Variants in RBM33 observed in about 807,000 individuals in gnomAD.
RBM33 encodes the protein RNA binding motif protein 33, also known as RNA-binding protein 33.
In RBM33, 28 loss-of-function variants were observed where a neutral mutation model predicts 132.6. The ratio of observed to expected loss-of-function variants is 0.21; its 90% CI spans 0.16 to 0.29. The LOEUF (loss-of-function observed/expected upper bound fraction) is 0.29. Among genes scored for constraint, RBM33 ranks in the 10% least tolerant of loss-of-function variants. The pLI is 1.00. For missense variants in RBM33, 1,291 were observed against 1,518.5 expected (o/e 0.85, Z 2.49); for synonymous variants, 634 against 593.0 (o/e 1.07, Z -1.01).
At chr7:155,738,450 A>C (rs761432032) in intron 11 of RBM33, 47 bp downstream of exon 11, 5 of 1,520,046 alleles carry the variant, frequency 3.3e-6, no homozygotes, top group Non-Finnish European at 4.5e-6. Flanking sequence ...TGTAGCTTCA[A>C]GGCTTTGTGT....
At chr7:155,645,521 A>G (rs1234279082) in intron 1 of RBM33, among the ~76,000 whole-genome samples, 10 of 152,238 alleles carry the variant, frequency 6.6e-5, no homozygotes, top group Admixed American at 2.0e-4. Context: ...GTCTTCCAAA[A>G]GTGAAAACGT....
chr7:155,736,382 T>C (rs1801127579), intron 9 of RBM33, among the ~76,000 whole-genome samples: 1 of 152,220 alleles, frequency 6.6e-6, no homozygotes, highest in Admixed American at 6.5e-5. Context: ...GAAAATTATT[T>C]TGATGATAGT....
At chr7:155,721,396 A>AG (rs879862774) in intron 9 of RBM33, among the ~76,000 whole-genome samples, 30 of 152,214 alleles carry the variant, frequency 2.0e-4, no homozygotes, top group African/African-American at 4.8e-4. Flanking sequence ...AGTAATGTAA[A>AG]GGGGGGGTGT....
At position 155,696,103 on chromosome 7, in the gene RBM33, G is replaced by A. The variant is rs1799787179; in HGVS notation, c.568-4670G>A. On this transcript the variant is annotated intron_variant, in intron 5 of 17. Transcript: ENST00000401878. ...TCTGGTTCTCTTTTCTGTTGTTTCTGTTGTTTCTGTTGTTTTTGTATCCCT... is the reference window on the plus strand; with the variant it reads ...TCTGGTTCTCTTTTCTGTTGTTTCTATTGTTTCTGTTGTTTTTGTATCCCT... 2.0e-5 allele frequency among the ~76,000 whole-genome samples: 3 copies of A among 152,104 alleles called. No individual in the cohort carries two copies. In the South Asian group the frequency reaches 6.2e-4, roughly 31 times the overall value.
rs1563138382 is a variant in RBM33 at position 155,673,949 on chromosome 7, T to TTTTTG, written c.171+1038_171+1039insGTTTT. On this transcript the variant is annotated intron_variant, in intron 3 of 17. Coordinates refer to ENST00000401878, the MANE Select transcript of RBM33 (RefSeq NM_053043.3). ...AGATAGTTTAGGCTTAGTTTTTTTT[T>TTTTTG]TTTTTTTTTTTTTTTTTTTTTTTGA... Among the ~76,000 whole-genome samples the TTTTTG allele has an allele frequency of 2.0e-4, 21 of 106,512 alleles. 1 individual carries two copies. The highest frequency in any genetic ancestry group is 4.7e-4 in the Admixed American group (5 of 10,600). 69.9% of individuals were successfully genotyped at this position (106,512 alleles called of 152,430 possible).
At chr7:155,651,447 CTT>C (rs1265864632) in intron 1 of RBM33, among the ~76,000 whole-genome samples, 1 of 151,942 alleles carries the variant, frequency 6.6e-6, no homozygotes, top group Non-Finnish European at 1.5e-5. Context: ...ATTTTCTCCT[CTT>C]TGTTTGACAT....
At chr7:155,766,941 C>T (rs1802241743) in intron 16 of RBM33, 6 of 396,622 alleles carry the variant, frequency 1.5e-5, no homozygotes, top group South Asian at 1.5e-4. Flanking sequence ...TTCACACTTG[C>T]ACACATACAT....
intron 2 of RBM33, 51 bp downstream of exon 2, chr7:155,665,304 C>T: frequency 1.3e-6 from 2 of 1,524,506 alleles, no homozygotes. Flanking sequence ...CTCTCTCATT[C>T]TGACACTTGG....
At chr7:155,707,629 A>T (rs889749586) in intron 7 of RBM33, among the ~76,000 whole-genome samples, 2 of 152,128 alleles carry the variant, frequency 1.3e-5, no homozygotes, top group Non-Finnish European at 2.9e-5. Context: ...ACATCTCAGA[A>T]ACAAAGACAG....
intron 9 of RBM33, among the ~76,000 whole-genome samples, chr7:155,719,546 A>G (rs1800561546): frequency 6.6e-6 from 1 of 152,152 alleles, no homozygotes; most frequent in Admixed American, 6.5e-5. Flanking sequence ...TCTATAAGTT[A>G]TTTACCAAGT....
chr7:155,724,990 TTGTGTGTGTGTGTGTGTG>T (rs56739117), intron 9 of RBM33, among the ~76,000 whole-genome samples: 34 of 123,364 alleles, frequency 2.8e-4, no homozygotes, highest in Admixed American at 7.4e-4. Flanking sequence ...GTGTACAGGT[TTGTGTGTGTGTGTGTGTG>T]TGTGTGTGTG....
chr7:155,734,049 CA>C (rs1256174273), intron 9 of RBM33, among the ~76,000 whole-genome samples: 2 of 152,248 alleles, frequency 1.3e-5, no homozygotes, highest in Non-Finnish European at 2.9e-5. Flanking sequence ...GTCCTGCTGT[CA>C]CCTCACGCCC....
intron 1 of RBM33, among the ~76,000 whole-genome samples, chr7:155,664,395 G>A (rs1798741523): frequency 6.6e-6 from 1 of 151,780 alleles, no homozygotes; most frequent in African/African-American, 2.4e-5. Context: ...GGGATAGCTG[G>A]GACTACGGAC....
At chr7:155,658,884 CTCTCTGT>C (rs1314260866) in intron 1 of RBM33, among the ~76,000 whole-genome samples, 5 of 152,298 alleles carry the variant, frequency 3.3e-5, no homozygotes, top group African/African-American at 1.2e-4. Flanking sequence ...TACAGAGGCT[CTCTCTGT>C]TATTTTCATC....
intron 1 of RBM33, among the ~76,000 whole-genome samples, chr7:155,661,147 T>TATA (rs1491288954): frequency 6.5e-4 from 15 of 23,148 alleles, no homozygotes; most frequent in South Asian, 2.2e-3. Flanking sequence ...TATATATATA[T>TATA]TTTTTTTTTT....
At position 155,742,580 on chromosome 7, in the gene RBM33, G is replaced by A. The variant is rs553042432; in HGVS notation, c.2337+474G>A. On this transcript the variant is annotated intron_variant, in intron 13 of 17. Coordinates refer to ENST00000401878, the MANE Select transcript of RBM33 (RefSeq NM_053043.3). The stretch of plus-strand genomic sequence containing the variant: ...GGGGTGTCATGTGCTGACACCTGGT[G>A]AATCCCGTAGGTTTCTGTGACTTTT... Among the ~76,000 whole-genome samples, 17 of 152,334 alleles carry A rather than the reference G, an allele frequency of 1.1e-4. No homozygotes were observed. The South Asian group carries it at 3.3e-3, about 30-fold the overall frequency.
intron 14 of RBM33, among the ~76,000 whole-genome samples, chr7:155,757,024 A>G (rs1398397360): frequency 2.6e-5 from 4 of 152,216 alleles, no homozygotes; most frequent in Non-Finnish European, 4.4e-5. Context: ...AGTGTCAACC[A>G]CAGTATGGGC....
intron 9 of RBM33, among the ~76,000 whole-genome samples, chr7:155,735,166 T>A (rs947905591): frequency 1.1e-4 from 17 of 152,320 alleles, no homozygotes; most frequent in African/African-American, 4.1e-4. Context: ...AACATTTAAG[T>A]TACCTGGAGG....
At chr7:155,744,165 T>C (rs1464195311) in intron 13 of RBM33, among the ~76,000 whole-genome samples, 1 of 152,254 alleles carries the variant, frequency 6.6e-6, no homozygotes, top group East Asian at 1.9e-4. Flanking sequence ...AGCTGAATTC[T>C]AGATAGATTA....
Sources: allele counts gnomAD v4.1 joint callset (sites outside exome capture counted in the v4.1 genomes callset), GRCh38; gene constraint gnomAD v4.1.1; transcripts MANE v1.5; gene names NCBI Gene and HGNC (gene_info 2026-07-23, HGNC 2026-07-21).